The following SORCS3 variants were observed in gnomAD, a reference collection of about 807,000 sequenced individuals.
SORCS3 encodes VPS10 domain-containing receptor SorCS3.
SORCS3 carries 57 observed loss-of-function variants against 146.3 expected under a neutral mutation model. The ratio of observed to expected loss-of-function variants is 0.39; its 90% CI spans 0.31 to 0.49. The LOEUF is 0.49. SORCS3 is among the 20% of genes least tolerant of loss of function. The probability of loss-of-function intolerance (pLI) is 0.92; values close to 1 mark genes in which losing one functional copy is unlikely to be tolerated. For synonymous variants in SORCS3, 653 were observed against 618.5 expected (o/e 1.06, Z -0.83); for missense variants, 1,341 against 1,575.5 (o/e 0.85, Z 2.52).
At chr10:105,112,179 T>C (rs2055863149) in intron 7 of SORCS3, among the ~76,000 whole-genome samples, 1 of 152,192 alleles carries the variant, frequency 6.6e-6, no homozygotes, top group African/African-American at 2.4e-5. Context: ...GGCCATTTTT[T>C]ATTCCTTGGC....
At chr10:105,043,162 A>T (rs750928624) in intron 5 of SORCS3, 34 bp downstream of exon 5, 1 of 1,578,252 alleles carries the variant, frequency 6.3e-7, no homozygotes, top group Non-Finnish European at 8.7e-7. Context: ...TACTTCTTAG[A>T]TAAAGAATTA....
At chr10:104,929,681 C>G (rs965401643) in intron 3 of SORCS3, among the ~76,000 whole-genome samples, 1 of 152,320 alleles carries the variant, frequency 6.6e-6, no homozygotes, top group Middle Eastern at 3.4e-3. Flanking sequence ...AAGCCTATCC[C>G]AGCAGACTCA....
chr10:105,203,566 A>C (rs1009391923), intron 16 of SORCS3, among the ~76,000 whole-genome samples: 1 of 152,178 alleles, frequency 6.6e-6, no homozygotes, highest in African/African-American at 2.4e-5. Flanking sequence ...ATCACAAGTG[A>C]GAAGAAATAA....
At chr10:104,839,172 A>C (rs1341103662) in intron 1 of SORCS3, among the ~76,000 whole-genome samples, 1 of 152,202 alleles carries the variant, frequency 6.6e-6, no homozygotes, top group Non-Finnish European at 1.5e-5. Context: ...AGTACTAAAC[A>C]CAATCCCTAC....
At chr10:104,998,018 T>A (rs2055037788) in intron 4 of SORCS3, among the ~76,000 whole-genome samples, 1 of 152,106 alleles carries the variant, frequency 6.6e-6, no homozygotes, top group African/African-American at 2.4e-5. Flanking sequence ...TGTTGGAGAA[T>A]GAGGGGGATT....
intron 1 of SORCS3, among the ~76,000 whole-genome samples, chr10:104,695,428 C>A (rs2016163224): frequency 6.7e-6 from 1 of 150,042 alleles, no homozygotes; most frequent in African/African-American, 2.5e-5. Context: ...ATCTAGTATA[C>A]CATTTAAAAA....
intron 1 of SORCS3, among the ~76,000 whole-genome samples, chr10:104,829,844 C>G (rs910732113): frequency 2.0e-5 from 3 of 152,082 alleles, no homozygotes; most frequent in African/African-American, 7.2e-5. Context: ...CTTGTATCTC[C>G]CAGCCTGTTC....
At chr10:105,242,403 CATATATTTAT>C (rs1306824680) in intron 20 of SORCS3, among the ~76,000 whole-genome samples, 2 of 80,442 alleles carry the variant, frequency 2.5e-5, no homozygotes, top group East Asian at 3.6e-4. Flanking sequence ...TATATTTATA[CATATATTTAT>C]ATATATTTAT....
At chr10:104,739,971 T>C (rs147457061) in intron 1 of SORCS3, among the ~76,000 whole-genome samples, 1 of 152,288 alleles carries the variant, frequency 6.6e-6, no homozygotes, top group East Asian at 1.9e-4. Flanking sequence ...CAAGGAGATA[T>C]GGTATGTTTA....
intron 25 of SORCS3, 61 bp downstream of exon 25, chr10:105,256,985 T>C: frequency 8.5e-7 from 1 of 1,179,478 alleles, no homozygotes; most frequent in Non-Finnish European, 1.3e-6. Flanking sequence ...TGATTCTTCC[T>C]ATAACTAACT....
chr10:105,023,221 TG>T (rs2055208224), intron 4 of SORCS3, among the ~76,000 whole-genome samples: 1 of 152,212 alleles, frequency 6.6e-6, no homozygotes, highest in African/African-American at 2.4e-5. Flanking sequence ...CACACATATA[TG>T]GGTCTATTTA....
chr10:105,242,907 A>ATATATAATATATGATATATAAAT (rs2056843828), intron 20 of SORCS3, among the ~76,000 whole-genome samples: 2 of 64,768 alleles, frequency 3.1e-5, no homozygotes, highest in African/African-American at 1.3e-4. Context: ...TATATAAATT[A>ATATATAATATATGATATATAAAT]TATATATAAT....
At chr10:105,227,985 TTGTG>T (rs59033040) in intron 20 of SORCS3, among the ~76,000 whole-genome samples, 10,211 of 128,816 alleles carry the variant, frequency 0.079, 327 homozygotes, top group Middle Eastern at 0.11. Flanking sequence ...TGTGGTCATT[TTGTG>T]TGTGTGTGTG....
chr10:104,768,147 TCTTA>T (rs762891787), intron 1 of SORCS3, among the ~76,000 whole-genome samples: 121 of 152,320 alleles, frequency 7.9e-4, no homozygotes, highest in Non-Finnish European at 1.1e-3. Context: ...CAATTACCTG[TCTTA>T]CTTGTTTAAA....
At position 105,038,241 on chromosome 10, in the gene SORCS3, A is replaced by G. The variant is rs542886571; in HGVS notation, c.955-4814A>G. ...CATTTATGTAACTGTATAAACAAGG[A>G]AAGTTTTTAAAGATGTTTATTGTTT... On this transcript the variant is annotated intron_variant, in intron 4 of 26. Coordinates refer to ENST00000369701, the MANE Select transcript of SORCS3 (RefSeq NM_014978.3). 2.5e-4 allele frequency among the ~76,000 whole-genome samples: 38 copies of G among 152,332 alleles called. 1 individual carries two copies. In the South Asian group the frequency reaches 6.4e-3, roughly 26 times the overall value.
chr10:105,123,649 G>A (rs2055951958), intron 7 of SORCS3, among the ~76,000 whole-genome samples: 1 of 152,050 alleles, frequency 6.6e-6, no homozygotes, highest in Admixed American at 6.6e-5. Flanking sequence ...GTCGAGAGAG[G>A]GAGAGATACT....
chr10:105,212,643 A>T (rs2119643884), intron 17 of SORCS3, among the ~76,000 whole-genome samples: 1 of 152,376 alleles, frequency 6.6e-6, no homozygotes, highest in South Asian at 2.1e-4. Context: ...CAATTAAAAA[A>T]AAAGAAAACA....
chr10:105,120,452 A>G (rs1564759661), intron 7 of SORCS3, among the ~76,000 whole-genome samples: 1 of 152,066 alleles, frequency 6.6e-6, no homozygotes, highest in Non-Finnish European at 1.5e-5. Flanking sequence ...AATGCCAATG[A>G]CCCCAATGTT....
intron 23 of SORCS3, among the ~76,000 whole-genome samples, chr10:105,254,211 A>T (rs3011670): frequency 0.98 from 149,385 of 152,302 alleles, 73,341 homozygotes; most frequent in East Asian, 1. Flanking sequence ...CGCAGAGGAG[A>T]GGGCTGGTAG....
Sources: allele counts gnomAD v4.1 joint callset (sites outside exome capture counted in the v4.1 genomes callset), GRCh38; gene constraint gnomAD v4.1.1; transcripts MANE v1.5; gene names NCBI Gene and HGNC (gene_info 2026-07-23, HGNC 2026-07-21).